CEP295: variants seen among roughly 807,000 people sequenced by gnomAD.
CEP295 encodes the protein centrosomal protein 295.
A neutral mutation model predicts 291.6 loss-of-function variants in CEP295; 190 were observed. That is an observed-to-expected ratio of 0.65 (90% confidence interval 0.58 to 0.73). The LOEUF (loss-of-function observed/expected upper bound fraction) is 0.73. CEP295 is among the 30% of genes least tolerant of loss of function. CEP295 has a pLI of 0.00. For synonymous variants in CEP295, 993 were observed against 1,038.8 expected (o/e 0.96, Z 0.85); for missense variants, 2,863 against 2,949.4 (o/e 0.97, Z 0.68).
chr11:93,697,182 C>T lies in CEP295; in HGVS notation c.2270C>T (p.Ala757Val). ...DARKISETFG[A>V]TTFQSLESQQ... ...AGAAAAATATCTGAAACATTTGGGG[C>T]AACAACTTTTCAAAGTTTAGAATCC... The change falls in exon 15 of 30, where the codon GCA (alanine) becomes GTA (valine). Residue 757 changes from alanine (A) to valine (V), a missense_variant. Physicochemically the swap from Ala to Val is moderately conservative, Grantham distance 64. Transcript: ENST00000325212. The T allele has an allele frequency of 1.9e-6, 3 of 1,551,824 alleles. No individual in the cohort carries two copies. The highest frequency in any genetic ancestry group is 2.6e-6 in the Non-Finnish European group (3 of 1,147,046).
At chr11:93,663,258 G>T (rs767636588) in intron 1 of CEP295, among the ~76,000 whole-genome samples, 51 of 152,240 alleles carry the variant, frequency 3.3e-4, no homozygotes, top group Non-Finnish European at 6.6e-4. Context: ...TTCTTATACT[G>T]CATGGCTGTC....
In CEP295 at chr11:93,695,484, T is replaced by C; in HGVS notation, c.1534-13T>C. 7.0e-7 allele frequency: 1 copy of C among 1,424,602 alleles called. No individual in the cohort carries two copies. Among genetic ancestry groups the C allele is most frequent in the Non-Finnish European group, 9.2e-7 (1 of 1,092,078 alleles). The allele number at this position is 1,424,602 out of a possible 1,614,324, so 88.2% of individuals were successfully genotyped here. On this transcript the variant is annotated splice_polypyrimidine_tract_variant and intron_variant, in intron 12 of 29. Coordinates refer to ENST00000325212, the MANE Select transcript of CEP295 (RefSeq NM_033395.2). ...GTTTGTTGTTAATAGATCAATAGTA[T>C]TTTGTTACCTAGATAATGGAAATAG...
rs1460279238 is a variant in CEP295 at position 93,698,391 on chromosome 11, A to C, written c.3479A>C (p.Gln1160Pro). 1 of 1,552,208 alleles carries C rather than the reference A, an allele frequency of 6.4e-7. No homozygotes were observed. Among genetic ancestry groups the C allele is most frequent in the East Asian group, 2.4e-5 (1 of 40,916 alleles). ...LSFPQHSLAQ[Q>P]ENLTILQEQS... ...TTTCCACAGCATAGCCTGGCACAGC[A>C]AGAAAATTTGACAATACTCCAAGAA... The change falls in exon 15 of 30, where the codon CAA (glutamine) becomes CCA (proline). Residue 1160 changes from glutamine (Q) to proline (P), a missense_variant. By Grantham distance (76) the Gln-to-Pro change is moderately conservative. Around this residue, in one of 3 missense-constraint regions of CEP295, gnomAD observed 2,295 missense variants for 2,335.7 expected, o/e 0.98. Transcript: ENST00000325212.
intron 7 of CEP295, among the ~76,000 whole-genome samples, chr11:93,680,130 A>G: frequency 6.6e-6 from 1 of 152,016 alleles, no homozygotes; most frequent in Non-Finnish European, 1.5e-5. Flanking sequence ...CAGAAAAATT[A>G]GCCAGGCATG....
Position 93,706,898 on chromosome 11 carries a change from G to A in CEP295, c.5749+1G>A, listed in dbSNP as rs566472770. ...TGTGGTGATGACTATGATGAAGCAG[G>A]TGAGAAATAAATGGAAAGTGGAATT... On this transcript the variant is annotated splice_donor_variant, in intron 18 of 29. Coordinates refer to ENST00000325212, the MANE Select transcript of CEP295 (RefSeq NM_033395.2). LOFTEE classifies it high-confidence loss of function. 1 of 1,527,046 alleles carries A rather than the reference G, an allele frequency of 6.5e-7. No individual in the cohort carries two copies. Among genetic ancestry groups the A allele is most frequent in the Admixed American group, 2.1e-5 (1 of 46,824 alleles). The allele number at this position is 1,527,046 out of a possible 1,614,324, so 94.6% of individuals were successfully genotyped here. A position where few individuals can be genotyped will look rare whatever the true frequency, so the allele number is the denominator to read the frequency against.
chr11:93,715,531 TC>T (rs1279052438), intron 18 of CEP295, among the ~76,000 whole-genome samples: 2 of 152,068 alleles, frequency 1.3e-5, no homozygotes, highest in Non-Finnish European at 2.9e-5. Flanking sequence ...CCTTTATTCT[TC>T]CCTCTGCTTT....
chr11:93,714,861 C>T (rs918985122), intron 18 of CEP295, among the ~76,000 whole-genome samples: 4 of 152,116 alleles, frequency 2.6e-5, no homozygotes, highest in Non-Finnish European at 4.4e-5. Flanking sequence ...CTCTCTCTCT[C>T]TGTGCTGAGC....
At chr11:93,686,440 T>C (rs1368679740) in intron 9 of CEP295, among the ~76,000 whole-genome samples, 2 of 152,240 alleles carry the variant, frequency 1.3e-5, no homozygotes, top group African/African-American at 4.8e-5. Context: ...AGTTACACTT[T>C]AGCTCCTGCT....
At chr11:93,716,620 A>C (rs1953263737) in intron 18 of CEP295, among the ~76,000 whole-genome samples, 1 of 152,230 alleles carries the variant, frequency 6.6e-6, no homozygotes, top group Non-Finnish European at 1.5e-5. Flanking sequence ...GAACAAAGAC[A>C]GTACTTGGCT....
At chr11:93,696,644 A>G (rs1280679666) in intron 14 of CEP295, 38 bp from the exon 15 acceptor site, 5 of 1,480,208 alleles carry the variant, frequency 3.4e-6, no homozygotes, top group Non-Finnish European at 4.5e-6. Flanking sequence ...TTTATTTTTC[A>G]TTAAAAAACA....
At chr11:93,703,952 G>T (rs1012505129) in intron 17 of CEP295, among the ~76,000 whole-genome samples, 1 of 151,796 alleles carries the variant, frequency 6.6e-6, no homozygotes, top group Non-Finnish European at 1.5e-5. Flanking sequence ...TATATTTTTA[G>T]TAGAGACGGG....
In CEP295 at chr11:93,702,625, G is replaced by C; in HGVS notation, c.5440G>C (p.Ala1814Pro). ...TCATTTGGCTTCAGAAGATACTAGTGCCAAGCAAAGTGGTAAGATAATTGT... is the reference window on the plus strand; with the variant it reads ...TCATTTGGCTTCAGAAGATACTAGTCCCAAGCAAAGTGGTAAGATAATTGT... Reference protein sequence around the residue: ...DNHLASEDTSAKQSGEHLEKD... With the variant: ...DNHLASEDTSPKQSGEHLEKD... Residue 1814 changes from alanine (A) to proline (P), a missense_variant, in exon 16 of 30, where the codon GCC (alanine) becomes CCC (proline). Physicochemically the swap from Ala to Pro is conservative, Grantham distance 27. Coordinates refer to ENST00000325212, the MANE Select transcript of CEP295 (RefSeq NM_033395.2). 1 of 1,543,704 alleles carries C rather than the reference G, an allele frequency of 6.5e-7. No homozygotes were observed. The highest frequency in any genetic ancestry group is 1.2e-5 in the South Asian group (1 of 82,028).
Position 93,727,190 on chromosome 11 carries a change from C to A in CEP295, c.6714C>A (p.Val2238=), listed in dbSNP as rs772884966. 4 of 1,551,072 alleles carry A rather than the reference C, an allele frequency of 2.6e-6. No individual in the cohort carries two copies. In the Admixed American group the frequency reaches 7.9e-5, roughly 30 times the overall value. ...FQLSIGNLSS[V]YSSSDEANVF... ...TTTCTATAGGAAACTTAAGTTCAGTCTACAGTTCATCTGATGAAGCTAATG... is the reference window on the plus strand; with the variant it reads ...TTTCTATAGGAAACTTAAGTTCAGTATACAGTTCATCTGATGAAGCTAATG... The change falls in exon 24 of 30, where the codon GTC becomes GTA. Residue 2238 remains valine, a synonymous_variant. Transcript: ENST00000325212.
chr11:93,701,586 TTTTGTTTGTTTTTTG>T (rs1364975711), intron 15 of CEP295, among the ~76,000 whole-genome samples: 1 of 151,988 alleles, frequency 6.6e-6, no homozygotes, highest in Admixed American at 6.5e-5. Flanking sequence ...CTAAGTTTTT[TTTTGTTTGTTTTTTG>T]TTTGTTTGTT....
chr11:93,718,886 G>A (rs1025388462), intron 18 of CEP295, among the ~76,000 whole-genome samples: 9 of 152,142 alleles, frequency 5.9e-5, no homozygotes, highest in Non-Finnish European at 1.0e-4. Flanking sequence ...CCAGGTGGGC[G>A]GATCATAAGG....
At chr11:93,670,857 G>A (rs1950409961) in intron 5 of CEP295, among the ~76,000 whole-genome samples, 1 of 151,470 alleles carries the variant, frequency 6.6e-6, no homozygotes, top group Non-Finnish European at 1.5e-5. Context: ...TGACAAGCAT[G>A]AATTAATCAG....
At chr11:93,672,297 G>A (rs1229221990) in intron 5 of CEP295, among the ~76,000 whole-genome samples, 1 of 152,046 alleles carries the variant, frequency 6.6e-6, no homozygotes, top group African/African-American at 2.4e-5. Flanking sequence ...TCTTTTCATA[G>A]GTCTGTTAAA....
intron 18 of CEP295, among the ~76,000 whole-genome samples, chr11:93,718,797 CA>C (rs1384867477): frequency 2.6e-5 from 4 of 151,832 alleles, no homozygotes; most frequent in Admixed American, 2.0e-4. Flanking sequence ...CCCTGTCATC[CA>C]AAAAATATAT....
At chr11:93,689,447 G>A (rs10160552) in intron 10 of CEP295, among the ~76,000 whole-genome samples, 57,665 of 152,056 alleles carry the variant, frequency 0.38, 12,838 homozygotes, top group Non-Finnish European at 0.49. Context: ...CATAGGACTC[G>A]TGGTCTTAGC....
Sources: gnomAD v4.1 joint callset for allele counts (sites outside exome capture counted in the v4.1 genomes callset) on GRCh38, gnomAD v4.1.1 for gene constraint, gnomAD v4.1.1 regional missense constraint, MANE v1.5 for transcripts, NCBI Gene and HGNC (gene_info 2026-07-23, HGNC 2026-07-21) for gene names.